The following COP1 variants were observed in gnomAD, a reference collection of about 807,000 sequenced individuals.
COP1 encodes COP1 E3 ubiquitin ligase.
In COP1, 24 loss-of-function variants were observed where a neutral mutation model predicts 101.3. The observed-to-expected ratio is 0.24, with a 90% CI of 0.17 to 0.33. The LOEUF (loss-of-function observed/expected upper bound fraction) is 0.33. Among genes scored for constraint, COP1 ranks in the 10% least tolerant of loss-of-function variants. The pLI is 1.00. For synonymous variants in COP1, 347 were observed against 341.9 expected (o/e 1.01, Z -0.17); for missense variants, 663 against 906.2 (o/e 0.73, Z 3.45).
At chr1:176,170,279 T>C (rs1227883149) in intron 3 of COP1, among the ~76,000 whole-genome samples, 1 of 152,234 alleles carries the variant, frequency 6.6e-6, no homozygotes, top group Non-Finnish European at 1.5e-5. Context: ...GCATCTAGAA[T>C]GGTGAATCCT....
intron 8 of COP1, among the ~76,000 whole-genome samples, chr1:176,121,441 A>G (rs1270137031): frequency 6.6e-6 from 1 of 152,098 alleles, no homozygotes; most frequent in African/African-American, 2.4e-5. Flanking sequence ...GTCAACAACA[A>G]TAACAGCAGC....
At chr1:176,195,117 A>G (rs1475624590) in intron 1 of COP1, among the ~76,000 whole-genome samples, 2 of 147,102 alleles carry the variant, frequency 1.4e-5, no homozygotes, top group African/African-American at 5.0e-5. Context: ...GAGAGGAGAG[A>G]AAGAGGGAGA....
intron 8 of COP1, among the ~76,000 whole-genome samples, chr1:176,132,654 CTA>C (rs1281119521): frequency 4.7e-4 from 2 of 4,228 alleles, no homozygotes; most frequent in East Asian, 0.011. Context: ...CGTATATATA[CTA>C]TATATACACA....
At chr1:176,071,856 A>T (rs1677063845) in intron 11 of COP1, among the ~76,000 whole-genome samples, 1 of 152,220 alleles carries the variant, frequency 6.6e-6, no homozygotes, top group Admixed American at 6.5e-5. Flanking sequence ...TTTTGTGGAT[A>T]TGTGTAAAAT....
chr1:175,987,188 A>G, intron 17 of COP1, 85 bp from the exon 18 acceptor site: 3 of 691,396 alleles, frequency 4.3e-6, no homozygotes, highest in Non-Finnish European at 6.8e-6. Flanking sequence ...TATCAGCCAA[A>G]GTTATAGTTC....
chr1:176,131,475 A>G (rs915764989), intron 8 of COP1, among the ~76,000 whole-genome samples: 2 of 151,800 alleles, frequency 1.3e-5, no homozygotes, highest in Non-Finnish European at 2.9e-5. Flanking sequence ...AATCTATGTA[A>G]AGGATTCAGT....
At chr1:176,011,483 T>C (rs1409697807) in intron 15 of COP1, among the ~76,000 whole-genome samples, 3 of 152,220 alleles carry the variant, frequency 2.0e-5, no homozygotes, top group Non-Finnish European at 4.4e-5. Context: ...TCACTAATTA[T>C]GTGAGTTAAT....
chr1:176,161,421 T>G (rs766097511), intron 5 of COP1, among the ~76,000 whole-genome samples: 2 of 151,828 alleles, frequency 1.3e-5, no homozygotes, highest in Non-Finnish European at 2.9e-5. Flanking sequence ...GAGACCTGTA[T>G]CTACAAAAAA....
At chr1:175,947,293 T>C in intron 18 of COP1, 54 bp from the exon 19 acceptor site, 1 of 1,187,872 alleles carries the variant, frequency 8.4e-7, no homozygotes, top group Non-Finnish European at 1.3e-6. Context: ...TGGAGAGCAA[T>C]CCAAGAGATA....
intron 15 of COP1, among the ~76,000 whole-genome samples, chr1:176,022,856 C>A (rs905975003): frequency 6.6e-6 from 1 of 152,194 alleles, no homozygotes; most frequent in Non-Finnish European, 1.5e-5. Context: ...CTCAGATGCC[C>A]TTGCATTTAT....
intron 15 of COP1, among the ~76,000 whole-genome samples, chr1:176,011,426 G>A (rs764758043): frequency 3.9e-5 from 6 of 152,110 alleles, no homozygotes; most frequent in Non-Finnish European, 8.8e-5. Flanking sequence ...GAAAGTAACC[G>A]AAATAGAAGA....
chr1:176,046,330 G>A lies in COP1; in HGVS notation c.1278-6C>T. 1 of 1,602,718 alleles carries A rather than the reference G, an allele frequency of 6.2e-7. No individual in the cohort carries two copies. Among genetic ancestry groups the A allele is most frequent in the Non-Finnish European group, 8.5e-7 (1 of 1,176,836 alleles). On this transcript the variant is annotated splice_polypyrimidine_tract_variant and splice_region_variant and intron_variant, in intron 11 of 19. Transcript: ENST00000367669. ...AATCCCGGTCAAATTCAATACTAAG[G>A]GGAAAAAGTATGTAATGACAACATT...
At chr1:176,193,877 T>C (rs1277883587) in intron 1 of COP1, among the ~76,000 whole-genome samples, 3 of 152,184 alleles carry the variant, frequency 2.0e-5, no homozygotes, top group Non-Finnish European at 1.5e-5. Context: ...GTGGTGATGG[T>C]TGTGAAACAC....
chr1:176,011,704 A>C (rs1664705681), intron 15 of COP1, among the ~76,000 whole-genome samples: 1 of 152,232 alleles, frequency 6.6e-6, no homozygotes, highest in African/African-American at 2.4e-5. Context: ...TAATGCACTT[A>C]TATACAGTCA....
At chr1:176,182,485 T>C (rs1697923866) in intron 2 of COP1, among the ~76,000 whole-genome samples, 1 of 151,948 alleles carries the variant, frequency 6.6e-6, no homozygotes, top group Admixed American at 6.6e-5. Flanking sequence ...TGGGCAGGGG[T>C]GGTACTGGGT....
At chr1:176,188,512 A>C (rs935336484) in intron 1 of COP1, among the ~76,000 whole-genome samples, 7 of 152,160 alleles carry the variant, frequency 4.6e-5, no homozygotes, top group African/African-American at 1.4e-4. Context: ...AAAAGCATTC[A>C]AGGAGAATGG....
At chr1:175,962,894 G>A (rs1184891168) in intron 18 of COP1, among the ~76,000 whole-genome samples, 2 of 152,174 alleles carry the variant, frequency 1.3e-5, no homozygotes, top group Non-Finnish European at 2.9e-5. Context: ...CTAGAAGGTA[G>A]AAGTTAATGA....
intron 5 of COP1, 38 bp from the exon 6 acceptor site, chr1:176,149,112 T>C: frequency 2.2e-6 from 3 of 1,367,474 alleles, no homozygotes; most frequent in Non-Finnish European, 3.0e-6. Flanking sequence ...TTAAAAAATA[T>C]AACTGAGTTG....
intron 15 of COP1, among the ~76,000 whole-genome samples, chr1:176,007,229 C>G (rs1371012557): frequency 1.3e-5 from 2 of 152,082 alleles, no homozygotes; most frequent in Admixed American, 1.3e-4. Context: ...ATTGGTTATT[C>G]TAGTTATACA....
Sources: allele counts gnomAD v4.1 joint callset (sites outside exome capture counted in the v4.1 genomes callset), GRCh38; gene constraint gnomAD v4.1.1; transcripts MANE v1.5; gene names NCBI Gene and HGNC (gene_info 2026-07-23, HGNC 2026-07-21).